Variants in PTPRN2 observed in about 807,000 individuals in gnomAD.
The protein encoded by PTPRN2 is receptor-type tyrosine-protein phosphatase N2.
In PTPRN2, 74 loss-of-function variants were observed where a neutral mutation model predicts 118.8. The observed-to-expected ratio is 0.62, with a 90% CI of 0.52 to 0.76. The LOEUF is 0.76. Ranked by LOEUF, PTPRN2 falls within the 30% of genes least tolerant of loss-of-function variation. The pLI, the probability that PTPRN2 is intolerant of heterozygous loss-of-function variation, is 0.00. For synonymous variants in PTPRN2, 641 were observed against 608.0 expected, an observed-to-expected ratio of 1.05 and a Z score of -0.80; for missense variants, 1,481 against 1,394.4, an observed-to-expected ratio of 1.06 and a Z score of -0.99.
intron 10 of PTPRN2, among the ~76,000 whole-genome samples, chr7:158,082,968 A>G (rs752449881): frequency 2.0e-5 from 3 of 152,096 alleles, no homozygotes; most frequent in Non-Finnish European, 2.9e-5. Flanking sequence ...CTCAGAAAGG[A>G]GGAGGCCACT....
intron 12 of PTPRN2, among the ~76,000 whole-genome samples, chr7:157,876,554 C>T (rs1354986289): frequency 1.3e-5 from 2 of 152,322 alleles, no homozygotes; most frequent in Admixed American, 6.5e-5. Flanking sequence ...CCCTAGAAGA[C>T]GTTTCTCCCA....
At chr7:157,547,862 T>G (rs527958323) in intron 22 of PTPRN2, among the ~76,000 whole-genome samples, 9 of 151,654 alleles carry the variant, frequency 5.9e-5, no homozygotes, top group African/African-American at 2.2e-4. Flanking sequence ...CTCACAGCCG[T>G]GAAGCGTCCC....
intron 11 of PTPRN2, among the ~76,000 whole-genome samples, chr7:158,010,368 T>C (rs553226307): frequency 1.3e-5 from 2 of 152,296 alleles, no homozygotes; most frequent in East Asian, 1.9e-4. Context: ...AACCTGTGTT[T>C]AAAAGTGTGT....
chr7:157,580,064 G>A (rs889123262), intron 17 of PTPRN2, among the ~76,000 whole-genome samples: 2 of 152,184 alleles, frequency 1.3e-5, no homozygotes, highest in African/African-American at 4.8e-5. Flanking sequence ...AGTCGAGTAA[G>A]GTTCAATTTC....
intron 14 of PTPRN2, among the ~76,000 whole-genome samples, chr7:157,637,761 C>T (rs918712745): frequency 7.9e-5 from 12 of 152,176 alleles, no homozygotes; most frequent in African/African-American, 2.7e-4. Flanking sequence ...TGAGGAGGGG[C>T]GGTTGCCAGG....
intron 14 of PTPRN2, among the ~76,000 whole-genome samples, chr7:157,637,079 T>C (rs550587551): frequency 2.0e-5 from 3 of 152,354 alleles, no homozygotes; most frequent in Non-Finnish European, 2.9e-5. Context: ...CATTTTTTTA[T>C]TAATATAAAT....
intron 2 of PTPRN2, among the ~76,000 whole-genome samples, chr7:158,402,391 C>T (rs562505545): frequency 2.6e-5 from 4 of 152,256 alleles, no homozygotes; most frequent in South Asian, 4.2e-4. Context: ...CCTTGACTCT[C>T]GGAGGTGGGG....
At chr7:158,298,281 T>C (rs764720593) in intron 3 of PTPRN2, among the ~76,000 whole-genome samples, 2 of 152,212 alleles carry the variant, frequency 1.3e-5, no homozygotes, top group Admixed American at 1.3e-4. Flanking sequence ...GCTTTGTTCG[T>C]CCTTTTATTC....
intron 10 of PTPRN2, among the ~76,000 whole-genome samples, chr7:158,098,435 G>C (rs1329994984): frequency 6.6e-6 from 1 of 152,200 alleles, no homozygotes; most frequent in Non-Finnish European, 1.5e-5. Flanking sequence ...GATGCCCGAG[G>C]GTGACGCTTA....
At chr7:157,693,851 G>A (rs1262772710) in intron 12 of PTPRN2, among the ~76,000 whole-genome samples, 1 of 152,240 alleles carries the variant, frequency 6.6e-6, no homozygotes, top group Non-Finnish European at 1.5e-5. Context: ...TCTCCGAGGT[G>A]GCCAGGAGTG....
intron 21 of PTPRN2, among the ~76,000 whole-genome samples, chr7:157,558,723 C>T (rs552270331): frequency 6.6e-6 from 1 of 152,336 alleles, no homozygotes; most frequent in African/African-American, 2.4e-5. Flanking sequence ...GGGGGCCTGG[C>T]CTTTACGGGG....
chr7:158,092,370 ATGGG>A (rs559183956), intron 10 of PTPRN2, among the ~76,000 whole-genome samples: 256 of 150,512 alleles, frequency 1.7e-3, no homozygotes, highest in African/African-American at 5.7e-3. Flanking sequence ...GGATGGATGG[ATGGG>A]TAGAGAGGTG....
intron 12 of PTPRN2, among the ~76,000 whole-genome samples, chr7:157,826,622 G>A (rs1045605627): frequency 3.9e-5 from 6 of 152,214 alleles, no homozygotes; most frequent in Non-Finnish European, 2.9e-5. Context: ...GCTGTGCTAA[G>A]CTGTATTTCA....
chr7:158,391,723 C>T (rs1811944227), intron 2 of PTPRN2, among the ~76,000 whole-genome samples: 1 of 152,210 alleles, frequency 6.6e-6, no homozygotes, highest in Non-Finnish European at 1.5e-5. Context: ...AGGCTGGATG[C>T]AGCCCTGCAG....
Position 157,785,513 on chromosome 7 carries a change from G to C in PTPRN2, c.1789-102576C>G, listed in dbSNP as rs1346691945. On this transcript the variant is annotated intron_variant, in intron 12 of 22. Coordinates refer to ENST00000389418, the MANE Select transcript of PTPRN2 (RefSeq NM_002847.5). This position sits in a 1 kb window ranked among gnomAD's most constrained non-coding sequence, Gnocchi z 7.3. Reference sequence around the variant, plus strand: ...TCGCGGGCAGGCCTCCCCAGGACCAGAGCGCCTGCGACCTGCCTGGGTGCC... The same window carrying C: ...TCGCGGGCAGGCCTCCCCAGGACCACAGCGCCTGCGACCTGCCTGGGTGCC... Among the ~76,000 whole-genome samples the C allele has an allele frequency of 1.3e-5, 2 of 152,306 alleles. No homozygotes were observed. Among genetic ancestry groups the C allele is most frequent in the Non-Finnish European group, 2.9e-5 (2 of 68,020 alleles).
chr7:158,532,097 G>A (rs769900145), intron 1 of PTPRN2, among the ~76,000 whole-genome samples: 5 of 152,218 alleles, frequency 3.3e-5, no homozygotes, highest in Non-Finnish European at 7.3e-5. Flanking sequence ...AGAAAGGGGC[G>A]TGTCCATCCA....
At position 157,560,711 on chromosome 7, in the gene PTPRN2, C is replaced by T. The variant is rs1303636923; in HGVS notation, c.2902+8191G>A. Among the ~76,000 whole-genome samples, 1 of 152,212 alleles carries T rather than the reference C, an allele frequency of 6.6e-6. No individual in the cohort carries two copies. Among genetic ancestry groups the T allele is most frequent in the East Asian group, 1.9e-4 (1 of 5,192 alleles). On this transcript the variant is annotated intron_variant, in intron 21 of 22. Coordinates refer to ENST00000389418, the MANE Select transcript of PTPRN2 (RefSeq NM_002847.5). This position sits in a 1 kb window ranked among gnomAD's most constrained non-coding sequence, Gnocchi z 6.7. The stretch of plus-strand genomic sequence containing the variant: ...AGAAAGGTGCAGACAGGCTCCCTCT[C>T]CCCTTCCCTCCTCCCACCTCACCCA...
chr7:157,610,472 G>A lies in PTPRN2; in HGVS notation c.2345-6397C>T, dbSNP rs1012907144. On this transcript the variant is annotated intron_variant, in intron 15 of 22. Coordinates refer to ENST00000389418, the MANE Select transcript of PTPRN2 (RefSeq NM_002847.5). This position sits in a 1 kb window ranked among gnomAD's most constrained non-coding sequence, Gnocchi z 5.1. The stretch of plus-strand genomic sequence containing the variant: ...CTGACTCCAGCAGAGAACATGTTCC[G>A]GGATGTGCTCCACAGTTGGCACCAG... Among the ~76,000 whole-genome samples the A allele has an allele frequency of 3.9e-5, 6 of 152,124 alleles. No homozygotes were observed. Among genetic ancestry groups the A allele is most frequent in the Non-Finnish European group, 8.8e-5 (6 of 68,026 alleles).
At chr7:158,247,436 C>T (rs1044468574) in intron 3 of PTPRN2, among the ~76,000 whole-genome samples, 6 of 152,004 alleles carry the variant, frequency 3.9e-5, no homozygotes, top group African/African-American at 9.7e-5. Flanking sequence ...CAGGGGTGCC[C>T]GTCCCAGGTG....
Sources: gnomAD v4.1 joint callset for allele counts (sites outside exome capture counted in the v4.1 genomes callset) on GRCh38, gnomAD v4.1.1 for gene constraint, Gnocchi (gnomAD v3.1) non-coding constraint, MANE v1.5 for transcripts, NCBI Gene and HGNC (gene_info 2026-07-23, HGNC 2026-07-21) for gene names.